B3GAT2: variants seen among roughly 807,000 people sequenced by gnomAD.
The protein encoded by B3GAT2 is galactosylgalactosylxylosylprotein 3-beta-glucuronosyltransferase 2.
In B3GAT2, 26 loss-of-function variants were observed where a neutral mutation model predicts 27.8. That is an observed-to-expected ratio of 0.93 (90% CI 0.68 to 1.30). B3GAT2 has a LOEUF of 1.30. Ranked by LOEUF, B3GAT2 falls within the 50% of genes most tolerant of loss-of-function variation. The pLI, the probability that B3GAT2 is intolerant of heterozygous loss-of-function variation, is 0.00. For missense variants in B3GAT2, 458 were observed against 459.0 expected (o/e 1.00, Z 0.02); for synonymous variants, 218 against 195.1 (o/e 1.12, Z -0.98).
intron 2 of B3GAT2, among the ~76,000 whole-genome samples, chr6:70,892,974 G>A (rs766422858): frequency 6.6e-6 from 1 of 152,186 alleles, no homozygotes; most frequent in Admixed American, 6.5e-5. Flanking sequence ...AACAGCTGGA[G>A]TAACAGAGGG....
At chr6:70,911,084 T>A (rs948165852) in intron 1 of B3GAT2, among the ~76,000 whole-genome samples, 3 of 152,210 alleles carry the variant, frequency 2.0e-5, no homozygotes, top group African/African-American at 7.2e-5. Flanking sequence ...GTCAGATGCA[T>A]ACTTTACAAA....
chr6:70,899,352 A>G (rs1772452956), intron 1 of B3GAT2, among the ~76,000 whole-genome samples: 1 of 152,192 alleles, frequency 6.6e-6, no homozygotes, highest in Admixed American at 6.5e-5. Flanking sequence ...GAATCAAAGA[A>G]GCAAAACTTT....
In B3GAT2 at chr6:70,956,232, G is replaced by T; in HGVS notation, c.198C>A (p.Arg66=). 1 of 1,612,518 alleles carries T rather than the reference G, an allele frequency of 6.2e-7. No individual in the cohort carries two copies. Among genetic ancestry groups the T allele is most frequent in the Non-Finnish European group, 8.5e-7 (1 of 1,179,194 alleles). ...GCTGTGGCTGCGGCCGAGACTGGTT[G>T]CGCTTTTGGGTCCCGTGAGCCGGGC... ...RGGPAHGTQK[R]NQSRPQPQPE... is the part of the protein sequence containing the mutation. The change falls in exon 1 of 4, where the codon CGC becomes CGA. Residue 66 remains arginine (R), a synonymous_variant. Transcript: ENST00000230053.
At chr6:70,935,120 A>G (rs1182116789) in intron 1 of B3GAT2, among the ~76,000 whole-genome samples, 1 of 151,966 alleles carries the variant, frequency 6.6e-6, no homozygotes, top group African/African-American at 2.4e-5. Flanking sequence ...CTGAGGAGGA[A>G]TGAAGATAGA....
At chr6:70,871,868 T>C (rs1293779419) in intron 2 of B3GAT2, among the ~76,000 whole-genome samples, 1 of 151,990 alleles carries the variant, frequency 6.6e-6, no homozygotes, top group Non-Finnish European at 1.5e-5. Flanking sequence ...CTACTCTGGC[T>C]GTACCCCCAT....
rs763954699 is a variant in B3GAT2 at position 70,860,189 on chromosome 6, A to ATGTT, written c.*1470_*1473dup. Reference sequence around the variant, plus strand: ...AAGCCTCTTGAACTAAGCCTTTTATATGTTTCACAGATGAATCAGCAGATG... The same window carrying ATGTT: ...AAGCCTCTTGAACTAAGCCTTTTATATGTTTGTTTCACAGATGAATCAGCAGATG... On this transcript the variant is annotated 3_prime_UTR_variant, in exon 4 of 4. Transcript: ENST00000230053. 19 of 1,600,090 alleles carry ATGTT rather than the reference A, an allele frequency of 1.2e-5. No individual in the cohort carries two copies. The highest frequency in any genetic ancestry group is 1.8e-5 in the Admixed American group (1 of 56,694).
chr6:70,904,791 T>A (rs796378184), intron 1 of B3GAT2, among the ~76,000 whole-genome samples: 76 of 152,264 alleles, frequency 5.0e-4, no homozygotes, highest in African/African-American at 1.7e-3. Context: ...GTAAAAGTTA[T>A]TGGAAAACAA....
At position 70,860,215 on chromosome 6, in the gene B3GAT2, G is replaced by A. The variant is rs758182111; in HGVS notation, c.*1448C>T. On this transcript the variant is annotated 3_prime_UTR_variant, in exon 4 of 4. Coordinates refer to ENST00000230053, the MANE Select transcript of B3GAT2 (RefSeq NM_080742.3). ...TGTTTCACAGATGAATCAGCAGATG[G>A]CTGGCATGAGTATCAGTAGTGCAAC... The A allele has an allele frequency of 2.2e-5, 35 of 1,609,632 alleles. No individual in the cohort carries two copies. Among genetic ancestry groups the A allele is most frequent in the Non-Finnish European group, 2.9e-5 (34 of 1,178,604 alleles).
intron 1 of B3GAT2, among the ~76,000 whole-genome samples, chr6:70,944,469 T>A (rs960096249): frequency 7.9e-5 from 12 of 151,406 alleles, no homozygotes; most frequent in African/African-American, 2.9e-4. Flanking sequence ...CTAGCACAGG[T>A]CTGAGATCAA....
chr6:70,861,546 AG>A lies in B3GAT2; in HGVS notation c.*116del, dbSNP rs1178847536. 2.4e-6 allele frequency: 2 copies of A among 841,906 alleles called. No homozygotes were observed. The highest frequency in any genetic ancestry group is 3.8e-6 in the Non-Finnish European group (2 of 530,486). 52.2% of individuals were successfully genotyped at this position (841,906 alleles called of 1,614,324 possible). On this transcript the variant is annotated 3_prime_UTR_variant, in exon 4 of 4. Transcript: ENST00000230053. ...ACAGATGTCCATCAGATGACAAGAA[AG>A]GCTGCTGTACTGAAGTAAAACAAAC...
intron 1 of B3GAT2, among the ~76,000 whole-genome samples, chr6:70,908,210 CA>C (rs1181666753): frequency 2.0e-5 from 3 of 152,152 alleles, no homozygotes; most frequent in African/African-American, 7.2e-5. Context: ...GGAAGAGAGT[CA>C]GGGGCACCAA....
intron 2 of B3GAT2, among the ~76,000 whole-genome samples, chr6:70,881,173 C>T (rs1263777248): frequency 2.6e-5 from 4 of 152,174 alleles, no homozygotes; most frequent in Admixed American, 1.3e-4. Flanking sequence ...ATCACTGACA[C>T]TTAGAGCCTC....
chr6:70,890,374 A>G (rs1371697896), intron 2 of B3GAT2, among the ~76,000 whole-genome samples: 2 of 152,096 alleles, frequency 1.3e-5, no homozygotes, highest in Non-Finnish European at 2.9e-5. Flanking sequence ...CCTGGTCCAC[A>G]GGACTCCAGA....
Position 70,858,050 on chromosome 6 carries a change from C to T in B3GAT2, c.*3613G>A. 1 of 1,614,072 alleles carries T rather than the reference C, an allele frequency of 6.2e-7. No individual in the cohort carries two copies. Among genetic ancestry groups the T allele is most frequent in the Non-Finnish European group, 8.5e-7 (1 of 1,179,998 alleles). On this transcript the variant is annotated 3_prime_UTR_variant, in exon 4 of 4. Coordinates refer to ENST00000230053, the MANE Select transcript of B3GAT2 (RefSeq NM_080742.3). ...TATAGGAAATGTGATGGGACAGAGT[C>T]CAAGCATGATGGTGGGCATGCCCAT... is the stretch of plus-strand genomic sequence containing the variant.
At chr6:70,925,004 G>T (rs193161067) in intron 1 of B3GAT2, among the ~76,000 whole-genome samples, 1 of 152,336 alleles carries the variant, frequency 6.6e-6, no homozygotes, top group Non-Finnish European at 1.5e-5. Flanking sequence ...CTGACAACCA[G>T]ATGGCACCAC....
intron 1 of B3GAT2, among the ~76,000 whole-genome samples, chr6:70,931,977 A>G (rs1021964266): frequency 3.9e-5 from 6 of 152,196 alleles, no homozygotes; most frequent in Non-Finnish European, 4.4e-5. Context: ...TATTTCCCCA[A>G]AGAAGACAGA....
Position 70,861,474 on chromosome 6 carries a change from G to A in B3GAT2, c.*189C>T. 1.7e-6 allele frequency: 1 copy of A among 589,702 alleles called. No individual in the cohort carries two copies. The highest frequency in any genetic ancestry group is 3.0e-6 in the Non-Finnish European group (1 of 331,078). The allele number at this position is 589,702 out of a possible 1,614,324, so 36.5% of individuals were successfully genotyped here. A position where few individuals can be genotyped will look rare whatever the true frequency, so the allele number is the denominator to read the frequency against. On this transcript the variant is annotated 3_prime_UTR_variant, in exon 4 of 4. Transcript: ENST00000230053. ...CAAATGAAGACAAAACATACATTTT[G>A]TACCAACCATCCAATTAGCTTATGT...
At chr6:70,913,301 G>A (rs1214832068) in intron 1 of B3GAT2, among the ~76,000 whole-genome samples, 5 of 152,136 alleles carry the variant, frequency 3.3e-5, no homozygotes, top group Non-Finnish European at 7.4e-5. Context: ...GGTGTTTAGT[G>A]CTATAAACTT....
At chr6:70,942,984 C>T (rs1238659610) in intron 1 of B3GAT2, among the ~76,000 whole-genome samples, 1 of 152,160 alleles carries the variant, frequency 6.6e-6, no homozygotes. Flanking sequence ...GAACAACAGT[C>T]TTAGATTCAG....
Sources: allele counts gnomAD v4.1 joint callset (sites outside exome capture counted in the v4.1 genomes callset), GRCh38; gene constraint gnomAD v4.1.1; transcripts MANE v1.5; gene names NCBI Gene and HGNC (gene_info 2026-07-23, HGNC 2026-07-21).